OPCML: variants seen among roughly 807,000 people sequenced by gnomAD.
The protein encoded by OPCML is opioid-binding protein/cell adhesion molecule.
In OPCML, 13 loss-of-function variants were observed where a neutral mutation model predicts 37.8. The ratio of observed to expected loss-of-function variants is 0.34; its 90% confidence interval spans 0.22 to 0.55. The LOEUF (loss-of-function observed/expected upper bound fraction) is 0.55, where lower values mean the gene tolerates loss of function less well. Among genes scored for constraint, OPCML ranks in the 20% least tolerant of loss-of-function variants. OPCML has a pLI of 0.91. For synonymous variants in OPCML, 176 were observed against 168.8 expected, an observed-to-expected ratio of 1.04 and a Z score of -0.33; for missense variants, 341 against 435.6, an observed-to-expected ratio of 0.78 and a Z score of 1.93.
chr11:133,511,972 T>G (rs1156350621), intron 1 of OPCML, among the ~76,000 whole-genome samples: 1 of 152,190 alleles, frequency 6.6e-6, no homozygotes, highest in Non-Finnish European at 1.5e-5. Flanking sequence ...AAGAATCTCT[T>G]TTTCCTACTC....
At chr11:133,123,700 CA>C (rs1565458804) in intron 1 of OPCML, among the ~76,000 whole-genome samples, 2 of 151,918 alleles carry the variant, frequency 1.3e-5, no homozygotes, top group African/African-American at 4.8e-5. Context: ...AACCATATGC[CA>C]AAAGGTCACC....
intron 1 of OPCML, among the ~76,000 whole-genome samples, chr11:133,483,675 G>GATAGATAA (rs1947437809): frequency 2.9e-5 from 1 of 34,930 alleles, no homozygotes; most frequent in African/African-American, 1.5e-4. Flanking sequence ...ATAAATAGAT[G>GATAGATAA]ATAGATAGAT....
chr11:132,438,773 G>A (rs1351480439), intron 4 of OPCML, among the ~76,000 whole-genome samples: 1 of 151,496 alleles, frequency 6.6e-6, no homozygotes, highest in African/African-American at 2.4e-5. Flanking sequence ...CAGCAGTAAG[G>A]GTCTGTGGAG....
intron 3 of OPCML, among the ~76,000 whole-genome samples, chr11:132,615,699 G>C (rs569404898): frequency 6.6e-6 from 1 of 152,180 alleles, no homozygotes; most frequent in Admixed American, 6.5e-5. Context: ...TTTGGTGTCT[G>C]TTGGGGTCCT....
intron 3 of OPCML, among the ~76,000 whole-genome samples, chr11:132,536,982 T>C (rs2096342460): frequency 6.6e-6 from 1 of 152,182 alleles, no homozygotes. Context: ...AATTTTAGAA[T>C]GGAGGCATTG....
chr11:132,752,097 C>A (rs1945854267), intron 2 of OPCML, among the ~76,000 whole-genome samples: 1 of 152,002 alleles, frequency 6.6e-6, no homozygotes, highest in African/African-American at 2.4e-5. Flanking sequence ...AATAGTTGAA[C>A]CAAAGGACCC....
intron 2 of OPCML, among the ~76,000 whole-genome samples, chr11:132,847,867 A>G (rs866738142): frequency 4.6e-5 from 7 of 152,164 alleles, no homozygotes. Context: ...TGTTTTGTAC[A>G]TAAGCACCAG....
intron 6 of OPCML, 141 bp downstream of exon 6, chr11:132,436,518 A>C (rs1183322856): frequency 6.9e-7 from 1 of 1,448,858 alleles, no homozygotes; most frequent in Non-Finnish European, 9.1e-7. Flanking sequence ...CGTTGTAAAA[A>C]TAGACTTTGT....
At chr11:132,502,260 CT>C (rs2096247197) in intron 4 of OPCML, among the ~76,000 whole-genome samples, 1 of 152,204 alleles carries the variant, frequency 6.6e-6, no homozygotes, top group Non-Finnish European at 1.5e-5. Context: ...CTCCACCCAT[CT>C]TGTTGTCTTT....
chr11:132,611,202 A>G (rs1216651106), intron 3 of OPCML, among the ~76,000 whole-genome samples: 2 of 152,158 alleles, frequency 1.3e-5, no homozygotes, highest in Non-Finnish European at 2.9e-5. Flanking sequence ...GTTCATTTTG[A>G]CAGATATAAA....
At chr11:132,610,129 C>G (rs1938552676) in intron 3 of OPCML, among the ~76,000 whole-genome samples, 1 of 152,148 alleles carries the variant, frequency 6.6e-6, no homozygotes, top group African/African-American at 2.4e-5. Context: ...ACTCTATATC[C>G]CAGTTTTATA....
At chr11:132,922,281 G>A (rs1944833667) in intron 2 of OPCML, among the ~76,000 whole-genome samples, 2 of 152,096 alleles carry the variant, frequency 1.3e-5, no homozygotes, top group South Asian at 4.1e-4. Flanking sequence ...GGCTTGATTG[G>A]ATCAGGAGTA....
chr11:132,885,367 G>A (rs1334215095), intron 2 of OPCML, among the ~76,000 whole-genome samples: 2 of 152,198 alleles, frequency 1.3e-5, no homozygotes, highest in Admixed American at 1.3e-4. Flanking sequence ...TTGGGTGACT[G>A]AGTTAATTTC....
At chr11:132,807,740 CTT>C (rs1307362179) in intron 2 of OPCML, among the ~76,000 whole-genome samples, 1 of 152,194 alleles carries the variant, frequency 6.6e-6, no homozygotes, top group East Asian at 1.9e-4. Flanking sequence ...CTCTGGGACT[CTT>C]TTCTGTTAGA....
intron 1 of OPCML, among the ~76,000 whole-genome samples, chr11:133,416,054 C>T (rs894726831): frequency 1.3e-5 from 2 of 152,200 alleles, no homozygotes; most frequent in South Asian, 2.1e-4. Flanking sequence ...CAGACCCATA[C>T]GAGACTTCTG....
At chr11:132,889,779 G>A (rs1045281863) in intron 2 of OPCML, among the ~76,000 whole-genome samples, 1 of 152,206 alleles carries the variant, frequency 6.6e-6, no homozygotes, top group African/African-American at 2.4e-5. Flanking sequence ...AGGTTTGTCT[G>A]AATAAATACA....
chr11:133,233,487 C>A (rs546644126), intron 1 of OPCML, among the ~76,000 whole-genome samples: 2 of 152,294 alleles, frequency 1.3e-5, no homozygotes, highest in African/African-American at 4.8e-5. Context: ...AACAACCCAA[C>A]TAAAACACCC....
chr11:133,375,498 G>C (rs557538521), intron 1 of OPCML, among the ~76,000 whole-genome samples: 2 of 152,120 alleles, frequency 1.3e-5, no homozygotes, highest in Non-Finnish European at 2.9e-5. Flanking sequence ...GCTACTTCTA[G>C]TAATGACTTG....
intron 1 of OPCML, among the ~76,000 whole-genome samples, chr11:133,288,875 G>T (rs115111193): frequency 1.6e-3 from 236 of 152,254 alleles, no homozygotes; most frequent in African/African-American, 5.3e-3. Context: ...GCATGCATTT[G>T]CCTGACCTCG....
Sources: allele counts gnomAD v4.1 joint callset (sites outside exome capture counted in the v4.1 genomes callset), GRCh38; gene constraint gnomAD v4.1.1; transcripts MANE v1.5; gene names NCBI Gene and HGNC (gene_info 2026-07-23, HGNC 2026-07-21).